PRKCH: variants seen among roughly 807,000 people sequenced by gnomAD.
PRKCH encodes the protein protein kinase C eta type.
In PRKCH, 28 loss-of-function variants were observed where a neutral mutation model predicts 82.5. That is an observed-to-expected ratio of 0.34 (90% CI 0.25 to 0.47). The LOEUF (loss-of-function observed/expected upper bound fraction) is 0.47, where lower values mean the gene tolerates loss of function less well. Ranked by LOEUF, PRKCH falls within the 20% of genes least tolerant of loss-of-function variation. The pLI, the probability that PRKCH is intolerant of heterozygous loss-of-function variation, is 1.00. For missense variants in PRKCH, 705 were observed against 881.8 expected (o/e 0.80, Z 2.54); for synonymous variants, 322 against 327.4 (o/e 0.98, Z 0.18).
At chr14:61,411,154 C>T (rs1882250515) in intron 2 of PRKCH, among the ~76,000 whole-genome samples, 1 of 152,184 alleles carries the variant, frequency 6.6e-6, no homozygotes, top group African/African-American at 2.4e-5. Flanking sequence ...ACTATGCAGA[C>T]CTTTGAGCCA....
chr14:61,258,193 T>C (rs1424126246), intron 1 of PRKCH, among the ~76,000 whole-genome samples: 1 of 152,088 alleles, frequency 6.6e-6, no homozygotes, highest in African/African-American at 2.4e-5. Flanking sequence ...ATGGTCAAAA[T>C]TACCTTTCAC....
intron 2 of PRKCH, among the ~76,000 whole-genome samples, chr14:61,402,628 C>G (rs1881693771): frequency 6.6e-6 from 1 of 151,876 alleles, no homozygotes; most frequent in Non-Finnish European, 1.5e-5. Flanking sequence ...AACCCCGTCT[C>G]TACTAAAAAT....
intron 1 of PRKCH, among the ~76,000 whole-genome samples, chr14:61,204,000 T>G (rs890920027): frequency 6.6e-6 from 1 of 152,068 alleles, no homozygotes; most frequent in Non-Finnish European, 1.5e-5. Flanking sequence ...GTAATTATGA[T>G]GCATAGAAAA....
intron 1 of PRKCH, among the ~76,000 whole-genome samples, chr14:61,363,825 A>G (rs1423215002): frequency 6.6e-6 from 1 of 151,802 alleles, no homozygotes; most frequent in East Asian, 1.9e-4. Flanking sequence ...GGAAATTTCT[A>G]GAAAAGACTC....
intron 2 of PRKCH, among the ~76,000 whole-genome samples, chr14:61,394,966 A>G (rs565058993): frequency 6.6e-6 from 1 of 152,342 alleles, no homozygotes; most frequent in African/African-American, 2.4e-5. Flanking sequence ...AATTCACACT[A>G]CAGTGATAGA....
chr14:61,210,754 TTCTCTCTCTCTCTCTCTCTC>T (rs57385240), intron 1 of PRKCH, among the ~76,000 whole-genome samples: 2 of 144,424 alleles, frequency 1.4e-5, no homozygotes, highest in East Asian at 4.2e-4. Flanking sequence ...CAAGAGTCCT[TTCTCTCTCTCTCTCTCTCTC>T]TCTCTCTCTC....
At chr14:61,527,055 G>A (rs2042975120) in intron 10 of PRKCH, among the ~76,000 whole-genome samples, 1 of 152,240 alleles carries the variant, frequency 6.6e-6, no homozygotes, top group Admixed American at 6.5e-5. Context: ...CTGGGGTATG[G>A]GTGGCAACAG....
At chr14:61,233,102 C>A (rs2044757781) in intron 1 of PRKCH, among the ~76,000 whole-genome samples, 1 of 152,200 alleles carries the variant, frequency 6.6e-6, no homozygotes. Flanking sequence ...TTGGTCCAGT[C>A]CACCATATGG....
chr14:61,336,036 A>T (rs964729662), intron 1 of PRKCH, among the ~76,000 whole-genome samples: 1 of 152,194 alleles, frequency 6.6e-6, no homozygotes, highest in African/African-American at 2.4e-5. Flanking sequence ...TCACAGGGTT[A>T]CTTCAGAACA....
intron 1 of PRKCH, among the ~76,000 whole-genome samples, chr14:61,244,279 GT>G (rs542877858): frequency 3.3e-5 from 5 of 152,208 alleles, no homozygotes; most frequent in African/African-American, 9.6e-5. Context: ...AATTGGGAGG[GT>G]TTTTTTCAGC....
At chr14:61,335,503 G>T (rs2045845078) in intron 1 of PRKCH, among the ~76,000 whole-genome samples, 1 of 151,914 alleles carries the variant, frequency 6.6e-6, no homozygotes, top group South Asian at 2.1e-4. Context: ...ATTTATGGCT[G>T]AGAATTAATA....
At chr14:61,262,705 T>C (rs2045060490) in intron 1 of PRKCH, among the ~76,000 whole-genome samples, 1 of 152,106 alleles carries the variant, frequency 6.6e-6, no homozygotes, top group Non-Finnish European at 1.5e-5. Flanking sequence ...CTCAAGGTTT[T>C]TAAAAATTGA....
At chr14:61,377,150 TCTC>T (rs1199571926) in intron 1 of PRKCH, among the ~76,000 whole-genome samples, 1 of 152,192 alleles carries the variant, frequency 6.6e-6, no homozygotes, top group East Asian at 1.9e-4. Flanking sequence ...ACATTTGGCT[TCTC>T]CTCTCTTTTG....
At position 61,509,082 on chromosome 14, in the gene PRKCH, A is replaced by G. The variant is rs570450571; in HGVS notation, c.1434-19993A>G. Among the ~76,000 whole-genome samples the G allele has an allele frequency of 3.2e-4, 49 of 152,254 alleles. No individual in the cohort carries two copies. In the Middle Eastern group the frequency reaches 0.01, roughly 32 times the overall value. ...GGATCTGAGCCAGTCCAGGGTCTGG[A>G]GAGCTATGCAGAGATAGAAGTGGAC... On this transcript the variant is annotated intron_variant, in intron 10 of 13. Coordinates refer to ENST00000332981, the MANE Select transcript of PRKCH (RefSeq NM_006255.5).
chr14:61,216,974 A>G (rs1049542281), intron 1 of PRKCH, among the ~76,000 whole-genome samples: 34 of 152,288 alleles, frequency 2.2e-4, no homozygotes, highest in African/African-American at 8.2e-4. Flanking sequence ...GGAGCCCTTG[A>G]TCTATACCTT....
rs57887308 is a variant in PRKCH at position 61,457,986 on chromosome 14, C to A, written c.1278+307C>A. 0.019 allele frequency among the ~76,000 whole-genome samples: 2,853 copies of A among 152,274 alleles called. 189 individuals are homozygous for A. The East Asian group carries it at 0.26, about 14-fold the overall frequency. ...AAGTGAAGGTGAATGAAAGTTACAGCAGTCTAAGAACAGAGAAAATGCCAT... is the reference window on the plus strand; with the variant it reads ...AAGTGAAGGTGAATGAAAGTTACAGAAGTCTAAGAACAGAGAAAATGCCAT... On this transcript the variant is annotated intron_variant, in intron 9 of 13. Transcript: ENST00000332981.
chr14:61,549,752 T>A lies in PRKCH; in HGVS notation c.1973T>A (p.Ile658Asn), dbSNP rs750314061. 2 of 1,614,008 alleles carry A rather than the reference T, an allele frequency of 1.2e-6. No individual in the cohort carries two copies. Among genetic ancestry groups the A allele is most frequent in the East Asian group, 2.2e-5 (1 of 44,878 alleles). ...FIKEEPVLTP[I>N]DEGHLPMINQ... The stretch of plus-strand genomic sequence containing the variant: ...AAGGAAGAGCCAGTTTTAACTCCAA[T>A]TGATGAGGGACATCTTCCAATGATT... Residue 658 changes from isoleucine to asparagine, a missense_variant, in exon 14 of 14, where the codon ATT becomes AAT. Coordinates refer to ENST00000332981, the MANE Select transcript of PRKCH (RefSeq NM_006255.5).
chr14:61,392,197 T>C (rs1456994083), intron 2 of PRKCH, among the ~76,000 whole-genome samples: 1 of 152,228 alleles, frequency 6.6e-6, no homozygotes, highest in East Asian at 1.9e-4. Flanking sequence ...TTGTTGTCTA[T>C]TATGAATAAT....
chr14:61,454,208 A>G (rs1884653887), intron 7 of PRKCH, among the ~76,000 whole-genome samples: 1 of 151,748 alleles, frequency 6.6e-6, no homozygotes, highest in African/African-American at 2.4e-5. Context: ...GGTTCAAGCA[A>G]TTCTCCTGCC....
Sources: allele counts gnomAD v4.1 joint callset (sites outside exome capture counted in the v4.1 genomes callset), GRCh38; gene constraint gnomAD v4.1.1; transcripts MANE v1.5; gene names NCBI Gene and HGNC (gene_info 2026-07-23, HGNC 2026-07-21).